Variants in SYNE2 observed in about 807,000 individuals in gnomAD.
SYNE2 encodes nesprin-2.
SYNE2 carries 431 observed loss-of-function variants against 856.3 expected under a neutral mutation model. That is an observed-to-expected ratio of 0.50 (90% confidence interval 0.47 to 0.55). SYNE2 has a LOEUF of 0.55. Among genes scored for constraint, SYNE2 ranks in the 20% least tolerant of loss-of-function variants. The probability of loss-of-function intolerance (pLI) is 0.00; values close to 1 mark genes in which losing one functional copy is unlikely to be tolerated. For missense variants in SYNE2, 8,129 were observed against 8,023.2 expected (o/e 1.01, Z -0.50); for synonymous variants, 2,923 against 2,872.3 (o/e 1.02, Z -0.56).
intron 2 of SYNE2, among the ~76,000 whole-genome samples, chr14:63,938,815 G>A (rs766623578): frequency 2.0e-5 from 3 of 152,188 alleles, no homozygotes; most frequent in Non-Finnish European, 2.9e-5. Context: ...TTCATCATCC[G>A]TGGAAGCACT....
At chr14:63,902,994 G>A (rs2095359344) in intron 1 of SYNE2, among the ~76,000 whole-genome samples, 1 of 152,060 alleles carries the variant, frequency 6.6e-6, no homozygotes, top group Admixed American at 6.6e-5. Flanking sequence ...TCTTTCTTCT[G>A]CCTTCCTTTT....
intron 90 of SYNE2, 108 bp downstream of exon 90, chr14:64,165,518 A>ATT (rs772613295): frequency 8.1e-4 from 838 of 1,033,780 alleles, no homozygotes; most frequent in Non-Finnish European, 9.1e-4. Flanking sequence ...ACTCACTCTT[A>ATT]TTTTTTTTTT....
rs892389120 is a variant in SYNE2, at chr14:63,903,665, G to A, written c.-51-5433G>A. ...TACAATACAGTGAATTCCACATGCC[G>A]GTTGAGGACAGGAATACTTCTTGGT... On this transcript the variant is annotated intron_variant, in intron 1 of 115. Transcript: ENST00000555002. 3.3e-5 allele frequency among the ~76,000 whole-genome samples: 5 copies of A among 152,018 alleles called. No homozygotes were observed. The East Asian group carries it at 7.7e-4, about 23-fold the overall frequency.
intron 1 of SYNE2, among the ~76,000 whole-genome samples, chr14:63,859,945 TTCCCTCCC>T (rs201459646): frequency 5.0e-5 from 5 of 100,570 alleles, no homozygotes; most frequent in South Asian, 5.3e-4. Flanking sequence ...CTCCCCTTCC[TTCCCTCCC>T]TCCCTCCCTC....
chr14:64,141,461 T>A lies in SYNE2; in HGVS notation c.15097T>A (p.Phe5033Ile). 1.2e-6 allele frequency: 2 copies of A among 1,614,042 alleles called. No individual in the cohort carries two copies. Among genetic ancestry groups the A allele is most frequent in the South Asian group, 2.2e-5 (2 of 91,076 alleles). The change falls in exon 81 of 116, where the codon TTT becomes ATT. Residue 5033 changes from phenylalanine to isoleucine, a missense_variant. Physicochemically the swap from Phe to Ile is conservative, Grantham distance 21. Coordinates refer to ENST00000555002, the MANE Select transcript of SYNE2 (RefSeq NM_182914.3). ...TATLRASLAQ[F>I]EQKWTMLITQ... ...TACACTGAGAGCTTCTTTAGCACAG[T>A]TTGAACAAAAATGGACAATGCTCAT...
In SYNE2 at chr14:64,214,200, G is replaced by C. The variant is rs746341571; in HGVS notation, c.19063G>C (p.Glu6355Gln). Residue 6355 changes from glutamate (E) to glutamine (Q), a missense_variant, in exon 106 of 116, where the codon GAA becomes CAA. Glu to Gln is a conservative substitution (Grantham distance 29). Coordinates refer to ENST00000555002, the MANE Select transcript of SYNE2 (RefSeq NM_182914.3). ...ACTGGATACTGTGGTTTAGGGCTTG[G>C]AAGATGAAAAGGAGGCCTCTGAGAA... ...RRLTSCTPGL[E>Q]DEKEASENET... 1 of 1,614,178 alleles carries C rather than the reference G, an allele frequency of 6.2e-7. No homozygotes were observed. The highest frequency in any genetic ancestry group is 8.5e-7 in the Non-Finnish European group (1 of 1,180,042).
At chr14:63,779,736 A>AC (rs1426931123) in intron 1 of SYNE2, among the ~76,000 whole-genome samples, 8 of 151,910 alleles carry the variant, frequency 5.3e-5, no homozygotes, top group South Asian at 2.1e-4. Context: ...ACATGGCAAA[A>AC]CCCCATCTCT....
At position 64,020,038 on chromosome 14, in the gene SYNE2, G is replaced by C. The variant is rs776002336; in HGVS notation, c.5096G>C (p.Arg1699Thr). The C allele has an allele frequency of 1.1e-5, 17 of 1,613,910 alleles. No homozygotes were observed. The highest frequency in any genetic ancestry group is 1.7e-5 in the Admixed American group (1 of 60,004). ...CAAAAAACTTCAGAATTTTCTAGAA[G>C]AGTGGCTGAAATACAGTTTTTGCTC... ...HEQKTSEFSR[R>T]VAEIQFLLQS... is the part of the protein sequence containing the mutation. The change falls in exon 35 of 116, where the codon AGA (arginine) becomes ACA (threonine). Residue 1699 changes from arginine (R) to threonine (T), a missense_variant. Physicochemically the swap from Arg to Thr is moderately conservative, Grantham distance 71 (BLOSUM62 -1). Transcript: ENST00000555002.
At chr14:64,073,386 A>G (rs2097428539) in intron 52 of SYNE2, among the ~76,000 whole-genome samples, 1 of 152,194 alleles carries the variant, frequency 6.6e-6, no homozygotes, top group South Asian at 2.1e-4. Context: ...AAAATCAAGT[A>G]TTAGAACAAA....
At chr14:63,788,178 G>A (rs575095439) in intron 1 of SYNE2, among the ~76,000 whole-genome samples, 3 of 152,222 alleles carry the variant, frequency 2.0e-5, no homozygotes, top group African/African-American at 4.8e-5. Context: ...AGCCATGCTG[G>A]GAGAGGAGAG....
Position 64,049,853 on chromosome 14 carries a change from G to C in SYNE2, c.7620G>C (p.Leu2540Phe). 1 of 1,614,072 alleles carries C rather than the reference G, an allele frequency of 6.2e-7. No individual in the cohort carries two copies. Among genetic ancestry groups the C allele is most frequent in the Non-Finnish European group, 8.5e-7 (1 of 1,179,968 alleles). ...AAVESSMKALLTDKESLKVGP... is the reference protein window; with the variant it reads ...AAVESSMKALFTDKESLKVGP... ...TTGAATCTTCAATGAAAGCCTTGTT[G>C]ACAGACAAGGAAAGTCTTAAAGTGT... The change falls in exon 47 of 116, where the codon TTG becomes TTC. Residue 2540 changes from leucine (L) to phenylalanine (F), a missense_variant. By Grantham distance (22) the Leu-to-Phe change is conservative. This residue lies in a region of SYNE2 where 5,410 missense variants were observed against 5,284.8 expected (regional missense o/e 1.02). Transcript: ENST00000555002.
intron 84 of SYNE2, among the ~76,000 whole-genome samples, chr14:64,148,996 A>G (rs1416250402): frequency 3.5e-5 from 5 of 141,080 alleles, no homozygotes; most frequent in Non-Finnish European, 7.7e-5. Flanking sequence ...TTTTTTTTCC[A>G]CTATTCTTTG....
At position 63,957,264 on chromosome 14, in the gene SYNE2, A is replaced by ATTTT. The variant is rs4027476; in HGVS notation, c.787+2368_787+2371dup. Among the ~76,000 whole-genome samples, 431 of 110,740 alleles carry ATTTT rather than the reference A, an allele frequency of 3.9e-3. 14 individuals carry two copies. Among genetic ancestry groups the ATTTT allele is most frequent in the Non-Finnish European group, 5.7e-3 (318 of 55,918 alleles). The allele number at this position is 110,740 out of a possible 152,430, so 72.6% of individuals were successfully genotyped here. On this transcript the variant is annotated intron_variant, in intron 8 of 115. Transcript: ENST00000555002. ...AGGTGTGCGCCACCATGCCCAGCTA[A>ATTTT]TTTTTTTTTTTTTTTTTTTTTTGAG... is the stretch of plus-strand genomic sequence containing the variant.
rs994450449 is a variant in SYNE2, at chr14:64,000,797, G to A, written c.3638+78G>A. 1.2e-5 allele frequency: 15 copies of A among 1,293,252 alleles called. No individual in the cohort carries two copies. In the African/African-American group the frequency reaches 2.1e-4, roughly 18 times the overall value. 80.1% of individuals were successfully genotyped at this position (1,293,252 alleles called of 1,614,324 possible). Reference sequence around the variant, plus strand: ...TAATGCCATTTTAAGCAAGATTCTTGCTATACTAAGTATGTTATTTTATTT... The same window carrying A: ...TAATGCCATTTTAAGCAAGATTCTTACTATACTAAGTATGTTATTTTATTT... On this transcript the variant is annotated intron_variant, in intron 28 of 115. Coordinates refer to ENST00000555002, the MANE Select transcript of SYNE2 (RefSeq NM_182914.3).
chr14:64,010,758 C>A (rs1227745405), intron 32 of SYNE2, among the ~76,000 whole-genome samples: 1 of 152,154 alleles, frequency 6.6e-6, no homozygotes, highest in South Asian at 2.1e-4. Context: ...CCTGCCTCAG[C>A]CTTTCAAGTA....
intron 76 of SYNE2, 112 bp from the exon 77 acceptor site, chr14:64,132,153 C>G: frequency 7.8e-7 from 1 of 1,284,488 alleles, no homozygotes; most frequent in Non-Finnish European, 1.1e-6. Flanking sequence ...ACACGGATGT[C>G]CTGGGATTTT....
intron 96 of SYNE2, among the ~76,000 whole-genome samples, chr14:64,180,928 T>G (rs1268656): frequency 0.12 from 18,159 of 152,256 alleles, 1,402 homozygotes; most frequent in East Asian, 0.39. Context: ...AACTGATTAT[T>G]GCTGATGCCT....
chr14:64,132,596 C>A (rs1029586060), intron 77 of SYNE2, among the ~76,000 whole-genome samples, 158 bp downstream of exon 77: 3 of 152,168 alleles, frequency 2.0e-5, no homozygotes, highest in African/African-American at 7.2e-5. Context: ...TCTGAGGCCG[C>A]TCCCTGAAGG....
At chr14:63,763,670 C>A (rs1415256559) in intron 1 of SYNE2, among the ~76,000 whole-genome samples, 2 of 151,992 alleles carry the variant, frequency 1.3e-5, no homozygotes, top group Non-Finnish European at 2.9e-5. Flanking sequence ...GGCAACATAG[C>A]AAGACCTAAA....
Sources: allele counts gnomAD v4.1 joint callset (sites outside exome capture counted in the v4.1 genomes callset), GRCh38; gene constraint gnomAD v4.1.1; regional missense constraint gnomAD v4.1.1; transcripts MANE v1.5; gene names NCBI Gene and HGNC (gene_info 2026-07-23, HGNC 2026-07-21).